Variants in FLT3 observed in about 807,000 individuals in gnomAD.
FLT3 encodes the protein receptor-type tyrosine-protein kinase FLT3.
A neutral mutation model predicts 126.6 loss-of-function variants in FLT3; 46 were observed. The observed-to-expected ratio is 0.36, with a 90% confidence interval of 0.29 to 0.46. The LOEUF (loss-of-function observed/expected upper bound fraction) is 0.46, where lower values mean the gene tolerates loss of function less well. Among genes scored for constraint, FLT3 ranks in the 20% least tolerant of loss-of-function variants. FLT3 has a pLI of 1.00. For synonymous variants in FLT3, 404 were observed against 434.4 expected (o/e 0.93, Z 0.87); for missense variants, 1,069 against 1,190.3 (o/e 0.90, Z 1.50).
chr13:28,024,977 T>A (rs770253125), intron 17 of FLT3, 34 bp from the exon 18 acceptor site: 1 of 1,154,468 alleles, frequency 8.7e-7, no homozygotes, highest in Non-Finnish European at 1.3e-6. Context: ...ATTATTTACA[T>A]TATTCTTCTC....
At chr13:28,085,774 AT>A (rs200900228) in intron 1 of FLT3, among the ~76,000 whole-genome samples, 5 of 150,774 alleles carry the variant, frequency 3.3e-5, no homozygotes, top group African/African-American at 7.4e-5. Context: ...TTAGAATGGG[AT>A]TTTTTTCCCC....
chr13:28,016,504 C>T (rs1244846863), intron 20 of FLT3, among the ~76,000 whole-genome samples: 1 of 151,948 alleles, frequency 6.6e-6, no homozygotes, highest in Non-Finnish European at 1.5e-5. Context: ...CTCCTGACCT[C>T]GTGATCCACC....
chr13:28,004,235 G>A (rs148784307), intron 23 of FLT3, 61 bp from the exon 24 acceptor site: 72 of 1,516,854 alleles, frequency 4.7e-5, no homozygotes, highest in South Asian at 3.5e-4. Context: ...CATGTTATGC[G>A]CCCATATTAC....
chr13:28,095,599 A>T (rs1359653301), intron 1 of FLT3, among the ~76,000 whole-genome samples: 1 of 152,164 alleles, frequency 6.6e-6, no homozygotes, highest in Admixed American at 6.5e-5. Context: ...TACTCCTGTT[A>T]TCTACAAGAT....
At position 28,082,286 on chromosome 13, in the gene FLT3, G is replaced by C. The variant is rs562189814; in HGVS notation, c.44-11674C>G. ...CCACCTCAGCTGCCCAAGTACCTAG[G>C]ACTACATGCACATACCACCACACTC... On this transcript the variant is annotated intron_variant, in intron 1 of 23. Coordinates refer to ENST00000241453, the MANE Select transcript of FLT3 (RefSeq NM_004119.3). 9.9e-5 allele frequency among the ~76,000 whole-genome samples: 15 copies of C among 152,142 alleles called. No individual in the cohort carries two copies. The South Asian group carries it at 3.1e-3, about 32-fold the overall frequency.
chr13:28,017,468 T>C (rs1000933525), intron 20 of FLT3, among the ~76,000 whole-genome samples: 1 of 152,036 alleles, frequency 6.6e-6, no homozygotes, highest in Non-Finnish European at 1.5e-5. Context: ...CAAGCAATTC[T>C]CCCACCTTGG....
chr13:28,027,652 T>G (rs145721523), intron 16 of FLT3, among the ~76,000 whole-genome samples: 1 of 146,474 alleles, frequency 6.8e-6, no homozygotes, highest in Non-Finnish European at 1.5e-5. Context: ...TTTCCTTTCT[T>G]TTAGTACCAG....
chr13:28,051,290 G>A (rs1875434649), intron 5 of FLT3, among the ~76,000 whole-genome samples: 1 of 152,014 alleles, frequency 6.6e-6, no homozygotes, highest in Admixed American at 6.6e-5. Flanking sequence ...AGGCTGGAGT[G>A]CAATGGCGCG....
intron 8 of FLT3, 82 bp downstream of exon 8, chr13:28,049,302 C>G: frequency 8.0e-7 from 1 of 1,257,414 alleles, no homozygotes; most frequent in Non-Finnish European, 1.1e-6. Context: ...ATATTGAAAT[C>G]AGAATTTGTA....
chr13:28,050,055 C>T (rs113780656), intron 6 of FLT3, 40 bp downstream of exon 6: 609 of 1,604,314 alleles, frequency 3.8e-4, no homozygotes, highest in African/African-American at 2.5e-3. Flanking sequence ...TGCTAAGAAC[C>T]GGTCACTGAA....
chr13:28,056,035 T>C (rs957100852), intron 4 of FLT3, among the ~76,000 whole-genome samples: 2 of 152,158 alleles, frequency 1.3e-5, no homozygotes, highest in Admixed American at 1.3e-4. Flanking sequence ...ATTTTGACTT[T>C]AGCTCATGTA....
At chr13:28,079,621 A>G (rs148175460) in intron 1 of FLT3, among the ~76,000 whole-genome samples, 39 of 152,318 alleles carry the variant, frequency 2.6e-4, no homozygotes, top group Middle Eastern at 3.4e-3. Flanking sequence ...CTTCAAAATC[A>G]TGGTGGGAGG....
chr13:28,079,048 A>G (rs2137805712), intron 1 of FLT3, among the ~76,000 whole-genome samples: 1 of 152,034 alleles, frequency 6.6e-6, no homozygotes, highest in African/African-American at 2.4e-5. Context: ...CCTGCTGCAA[A>G]TTTTCCCAAC....
At chr13:28,015,539 C>G (rs1290458522) in intron 21 of FLT3, 51 bp downstream of exon 21, 2 of 1,017,354 alleles carry the variant, frequency 2.0e-6, no homozygotes, top group Non-Finnish European at 3.1e-6. Context: ...ACCGAGAGAG[C>G]AGAGGATGCA....
chr13:28,029,551 C>A (rs987509859), intron 15 of FLT3, among the ~76,000 whole-genome samples: 2 of 152,200 alleles, frequency 1.3e-5, no homozygotes, highest in Non-Finnish European at 2.9e-5. Flanking sequence ...TGCTTTTCCT[C>A]CTCAGTACAA....
Position 28,014,562 on chromosome 13 carries a change from A to G in FLT3, c.2754-5T>C, listed in dbSNP as rs762012802. On this transcript the variant is annotated splice_region_variant and splice_polypyrimidine_tract_variant and intron_variant, in intron 22 of 23. Transcript: ENST00000241453. Reference sequence around the variant, plus strand: ...CAGGATTGCATTATAATGTATCTGTAAAAGCAATAGAACAAGGAACAAGAT... The same window carrying G: ...CAGGATTGCATTATAATGTATCTGTGAAAGCAATAGAACAAGGAACAAGAT... 1 of 1,592,932 alleles carries G rather than the reference A, an allele frequency of 6.3e-7. No individual in the cohort carries two copies. The highest frequency in any genetic ancestry group is 8.6e-7 in the Non-Finnish European group (1 of 1,160,964).
intron 1 of FLT3, among the ~76,000 whole-genome samples, chr13:28,095,539 G>A (rs1879398291): frequency 6.6e-6 from 1 of 152,170 alleles, no homozygotes; most frequent in Non-Finnish European, 1.5e-5. Context: ...CTCCCAAAGT[G>A]CTGGGATTAC....
rs12865238 is a variant in FLT3 at position 28,023,327 on chromosome 13, T to C, written c.2418+23A>G. On this transcript the variant is annotated intron_variant, in intron 19 of 23. Transcript: ENST00000241453. ...CTTTTCAAATCTTTTTTTTGGTTTG[T>C]TTTTTCTTTAAAAGGAGCATACCGA... 30 of 1,590,664 alleles carry C rather than the reference T, an allele frequency of 1.9e-5. No individual in the cohort carries two copies. In the African/African-American group the frequency reaches 3.3e-4, roughly 17 times the overall value.
At chr13:28,027,264 T>C (rs1490309204) in intron 16 of FLT3, 23 bp from the exon 17 acceptor site, 1 of 1,593,210 alleles carries the variant, frequency 6.3e-7, no homozygotes, top group Non-Finnish European at 8.6e-7. Flanking sequence ...CAGTTTCAAT[T>C]ATAGGCATAC....
Sources: gnomAD v4.1 joint callset for allele counts (sites outside exome capture counted in the v4.1 genomes callset) on GRCh38, gnomAD v4.1.1 for gene constraint, MANE v1.5 for transcripts, NCBI Gene and HGNC (gene_info 2026-07-23, HGNC 2026-07-21) for gene names.